The following ANKRD42 variants were observed in gnomAD, a reference collection of about 807,000 sequenced individuals.
ANKRD42 encodes ankyrin repeat domain-containing protein 42.
Under a neutral mutation model 51.5 loss-of-function variants are expected in ANKRD42, and 43 were observed. The observed-to-expected ratio is 0.83, with a 90% CI of 0.65 to 1.08. The LOEUF is 1.08. Among genes scored for constraint, ANKRD42 ranks in the 50% least tolerant of loss-of-function variants. The probability of loss-of-function intolerance (pLI) is 0.00; values close to 1 mark genes in which losing one functional copy is unlikely to be tolerated. For synonymous variants in ANKRD42, 203 were observed against 213.0 expected (o/e 0.95, Z 0.41); for missense variants, 608 against 629.3 (o/e 0.97, Z 0.36).
At chr11:83,209,811 C>T (rs1024967082) in intron 3 of ANKRD42, 9 of 546,658 alleles carry the variant, frequency 1.6e-5, no homozygotes, top group Non-Finnish European at 3.0e-5. Context: ...AGAGCCACCA[C>T]CACCATAGCC....
chr11:83,209,549 A>G, intron 3 of ANKRD42: 1 of 984,062 alleles, frequency 1.0e-6, no homozygotes, highest in East Asian at 2.4e-5. Context: ...CGTTCAGCAG[A>G]GTCAGGGATG....
chr11:83,241,762 G>T (rs981246634), intron 9 of ANKRD42, among the ~76,000 whole-genome samples: 6 of 152,088 alleles, frequency 3.9e-5, no homozygotes, highest in African/African-American at 7.2e-5. Flanking sequence ...AATAGCCATT[G>T]TTGGGATTCA....
chr11:83,241,080 G>C, intron 9 of ANKRD42, 146 bp downstream of exon 9: 1 of 914,412 alleles, frequency 1.1e-6, no homozygotes, highest in Non-Finnish European at 1.6e-6. Context: ...ACTAATATAA[G>C]TTTTTGTACT....
intron 5 of ANKRD42, among the ~76,000 whole-genome samples, chr11:83,217,052 A>G (rs947169346): frequency 3.9e-5 from 6 of 152,194 alleles, no homozygotes; most frequent in Non-Finnish European, 5.9e-5. Flanking sequence ...AGTTGAGCTC[A>G]TTTGAGGTTC....
At chr11:83,209,632 GA>G in intron 3 of ANKRD42, 1 of 835,940 alleles carries the variant, frequency 1.2e-6, no homozygotes, top group Non-Finnish European at 2.1e-6. Flanking sequence ...AGAAGCCAAA[GA>G]AATGAAGCTG....
chr11:83,230,773 A>G (rs899187491), intron 7 of ANKRD42, among the ~76,000 whole-genome samples: 1 of 152,088 alleles, frequency 6.6e-6, no homozygotes, highest in Non-Finnish European at 1.5e-5. Flanking sequence ...TTTTTAGTAG[A>G]GACGGGGTTT....
At chr11:83,197,970 T>C (rs552814125) in intron 1 of ANKRD42, among the ~76,000 whole-genome samples, 2 of 152,288 alleles carry the variant, frequency 1.3e-5, no homozygotes, top group South Asian at 4.1e-4. Context: ...GCCAAAAACA[T>C]GAGTTCCTGG....
At chr11:83,240,253 CATT>C (rs1863346433) in intron 8 of ANKRD42, among the ~76,000 whole-genome samples, 1 of 152,036 alleles carries the variant, frequency 6.6e-6, no homozygotes, top group Admixed American at 6.5e-5. Context: ...ATGGAAAGGT[CATT>C]ATTTTTTCAT....
chr11:83,197,856 G>C (rs1174474557), intron 1 of ANKRD42, among the ~76,000 whole-genome samples: 3 of 152,206 alleles, frequency 2.0e-5, no homozygotes, highest in Non-Finnish European at 4.4e-5. Flanking sequence ...ATATTTGCAT[G>C]TATGAGATGA....
At chr11:83,213,226 C>G in intron 5 of ANKRD42, 1 of 1,598,864 alleles carries the variant, frequency 6.3e-7, no homozygotes, top group Non-Finnish European at 8.5e-7. Flanking sequence ...CTACTGACTT[C>G]TGGAAGTTCC....
intron 7 of ANKRD42, among the ~76,000 whole-genome samples, chr11:83,229,938 A>T (rs1408227226): frequency 1.3e-5 from 2 of 152,184 alleles, no homozygotes; most frequent in Non-Finnish European, 2.9e-5. Flanking sequence ...TGAAATATTC[A>T]CATCATGGAG....
At chr11:83,212,996 C>T in intron 5 of ANKRD42, 41 of 1,599,340 alleles carry the variant, frequency 2.6e-5, no homozygotes, top group Non-Finnish European at 3.5e-5. Flanking sequence ...CCATCTCCTC[C>T]TCAGCATCAT....
chr11:83,209,353 T>C, intron 3 of ANKRD42: 1 of 1,396,176 alleles, frequency 7.2e-7, no homozygotes, highest in East Asian at 2.5e-5. Flanking sequence ...TGGGAGTTGC[T>C]TGGAGGTTGG....
intron 2 of ANKRD42, among the ~76,000 whole-genome samples, chr11:83,203,690 C>A (rs1203356057): frequency 6.6e-6 from 1 of 152,128 alleles, no homozygotes; most frequent in South Asian, 2.1e-4. Context: ...CCGCGTCTGG[C>A]CCTAAATCTT....
intron 3 of ANKRD42, 81 bp from the exon 4 acceptor site, chr11:83,210,219 T>C (rs908057272): frequency 1.4e-6 from 2 of 1,390,296 alleles, no homozygotes; most frequent in Non-Finnish European, 2.0e-6. Context: ...AATAAATTGC[T>C]TGCCTTTGTA....
rs188372473 is a variant in ANKRD42, at chr11:83,224,035, T to C, written c.587-820T>C. Among the ~76,000 whole-genome samples, 26 of 152,132 alleles carry C rather than the reference T, an allele frequency of 1.7e-4. No homozygotes were observed. The East Asian group carries it at 5.0e-3, about 29-fold the overall frequency. ...TCTTTCAGGGATTCCTTAAAATTTC[T>C]TGTCTGTTCATGGCATTCTTGTTTT... On this transcript the variant is annotated intron_variant, in intron 5 of 10. Transcript: ENST00000533342.
chr11:83,206,197 T>C, intron 3 of ANKRD42, 32 bp downstream of exon 3: 1 of 1,503,384 alleles, frequency 6.7e-7, no homozygotes. Flanking sequence ...GTAAGTTCAA[T>C]TACTTTAACA....
Position 83,211,406 on chromosome 11 carries a change from G to A in ANKRD42, c.562G>A (p.Val188Met). 1 of 1,614,160 alleles carries A rather than the reference G, an allele frequency of 6.2e-7. No individual in the cohort carries two copies. Among genetic ancestry groups the A allele is most frequent in the Non-Finnish European group, 8.5e-7 (1 of 1,180,028 alleles). ...LVKWGCSIED[V>M]DYNGNLPVHL... ...TAAATGGGGTTGTAGCATAGAAGAT[G>A]TGGACTACAATGGAAACCTTCCAGG... The change falls in exon 5 of 11, where the codon GTG (valine) becomes ATG (methionine). Residue 188 changes from valine (V) to methionine (M), a missense_variant. Transcript: ENST00000533342.
At chr11:83,203,256 A>G (rs993182733) in intron 2 of ANKRD42, among the ~76,000 whole-genome samples, 1 of 152,098 alleles carries the variant, frequency 6.6e-6, no homozygotes, top group African/African-American at 2.4e-5. Context: ...TGGCCTCCCA[A>G]TAGGGATTAC....
Sources: allele counts gnomAD v4.1 joint callset (sites outside exome capture counted in the v4.1 genomes callset), GRCh38; gene constraint gnomAD v4.1.1; transcripts MANE v1.5; gene names NCBI Gene and HGNC (gene_info 2026-07-23, HGNC 2026-07-21).